The following DLGAP1 variants were observed in gnomAD, a reference collection of about 807,000 sequenced individuals.
DLGAP1 encodes the protein disks large-associated protein 1.
Under a neutral mutation model 90.8 loss-of-function variants are expected in DLGAP1, and 11 were observed. The observed-to-expected ratio is 0.12, with a 90% CI of 0.08 to 0.20. The LOEUF is 0.20. Ranked by LOEUF, DLGAP1 falls within the 10% of genes least tolerant of loss-of-function variation. The pLI, the probability that DLGAP1 is intolerant of heterozygous loss-of-function variation, is 1.00. For synonymous variants in DLGAP1, 558 were observed against 540.7 expected (o/e 1.03, Z -0.44); for missense variants, 1,050 against 1,333.8 (o/e 0.79, Z 3.31).
At chr18:3,683,265 AAAGGTCAAAC>A (rs1267788693) in intron 7 of DLGAP1, among the ~76,000 whole-genome samples, 3 of 152,204 alleles carry the variant, frequency 2.0e-5, no homozygotes, top group Admixed American at 6.5e-5. Flanking sequence ...TCAGGTGAGA[AAAGGTCAAAC>A]ATCAAGAGAA....
chr18:3,720,427 T>G (rs970518045), intron 7 of DLGAP1, among the ~76,000 whole-genome samples: 2 of 152,348 alleles, frequency 1.3e-5, no homozygotes, highest in South Asian at 4.1e-4. Flanking sequence ...AATGCCGTTA[T>G]AGTAAAATCA....
chr18:4,057,086 T>C (rs1598320389), intron 2 of DLGAP1, among the ~76,000 whole-genome samples: 1 of 140,970 alleles, frequency 7.1e-6, no homozygotes, highest in African/African-American at 2.6e-5. Flanking sequence ...TAGACAGACA[T>C]GAGCAGGGCA....
At chr18:4,061,357 G>A (rs543673747) in intron 2 of DLGAP1, among the ~76,000 whole-genome samples, 31 of 138,740 alleles carry the variant, frequency 2.2e-4, no homozygotes, top group African/African-American at 8.1e-4. Context: ...TGAGGAAGTT[G>A]TGGAAGGTTT....
chr18:3,541,242 A>C (rs1304627768), intron 9 of DLGAP1, among the ~76,000 whole-genome samples: 7 of 152,178 alleles, frequency 4.6e-5, no homozygotes, highest in Non-Finnish European at 7.3e-5. Flanking sequence ...AAAGAGAGAG[A>C]GAAAGAGAAG....
intron 1 of DLGAP1, among the ~76,000 whole-genome samples, chr18:4,156,573 A>G (rs1468458344): frequency 1.3e-5 from 2 of 152,236 alleles, no homozygotes; most frequent in Non-Finnish European, 1.5e-5. Context: ...AACAAAGGGA[A>G]ATAATCTCCT....
At chr18:4,245,973 T>C (rs117137948) in intron 1 of DLGAP1, among the ~76,000 whole-genome samples, 2,858 of 152,254 alleles carry the variant, frequency 0.019, 36 homozygotes, top group Non-Finnish European at 0.027. Flanking sequence ...ATCCCTTAAA[T>C]ATATATTCAA....
chr18:4,317,262 T>C (rs1384155275), intron 1 of DLGAP1, among the ~76,000 whole-genome samples: 1 of 152,188 alleles, frequency 6.6e-6, no homozygotes, highest in Non-Finnish European at 1.5e-5. Flanking sequence ...CACATCCTTG[T>C]TACTGACACA....
At chr18:3,680,629 A>G (rs887802579) in intron 7 of DLGAP1, among the ~76,000 whole-genome samples, 1 of 152,094 alleles carries the variant, frequency 6.6e-6, no homozygotes, top group African/African-American at 2.4e-5. Flanking sequence ...TCTACTAAAA[A>G]TACAAAAAAA....
chr18:3,867,003 C>T (rs574926043), intron 4 of DLGAP1, among the ~76,000 whole-genome samples: 1 of 152,274 alleles, frequency 6.6e-6, no homozygotes, highest in Non-Finnish European at 1.5e-5. Context: ...AGGCACATGC[C>T]ACCACACCCG....
chr18:4,169,024 A>G (rs1216638701), intron 1 of DLGAP1, among the ~76,000 whole-genome samples: 1 of 152,204 alleles, frequency 6.6e-6, no homozygotes, highest in Non-Finnish European at 1.5e-5. Context: ...GTATACAAAT[A>G]TCTCTTTGAG....
At chr18:4,049,905 T>C (rs2075107811) in intron 2 of DLGAP1, among the ~76,000 whole-genome samples, 1 of 145,332 alleles carries the variant, frequency 6.9e-6, no homozygotes, top group East Asian at 2.0e-4. Context: ...TATGTATCCA[T>C]CCAACGGTCC....
chr18:4,358,696 A>C (rs1260675601), intron 1 of DLGAP1, among the ~76,000 whole-genome samples: 3 of 152,228 alleles, frequency 2.0e-5, no homozygotes, highest in African/African-American at 7.2e-5. Flanking sequence ...TGGGCATGAA[A>C]GGCTCAGTCC....
At chr18:3,631,842 G>A (rs2058536694) in intron 7 of DLGAP1, among the ~76,000 whole-genome samples, 1 of 151,994 alleles carries the variant, frequency 6.6e-6, no homozygotes, top group Non-Finnish European at 1.5e-5. Flanking sequence ...GAGTGCAAAT[G>A]GCGAGATCAT....
chr18:4,039,228 T>G (rs2074938558), intron 2 of DLGAP1, among the ~76,000 whole-genome samples: 1 of 152,084 alleles, frequency 6.6e-6, no homozygotes, highest in South Asian at 2.1e-4. Context: ...GAGACGATAG[T>G]TTACTTATTT....
intron 2 of DLGAP1, among the ~76,000 whole-genome samples, chr18:4,137,720 T>A (rs1310754667): frequency 6.6e-6 from 1 of 152,134 alleles, no homozygotes; most frequent in African/African-American, 2.4e-5. Flanking sequence ...CTTTGGATAG[T>A]ATGGACATTT....
chr18:3,553,630 T>C (rs1282012770), intron 9 of DLGAP1, among the ~76,000 whole-genome samples: 1 of 151,862 alleles, frequency 6.6e-6, no homozygotes, highest in East Asian at 1.9e-4. Flanking sequence ...GTCTTCCGGG[T>C]TCAAGCAGTT....
chr18:3,757,858 G>A (rs1394852862), intron 5 of DLGAP1, among the ~76,000 whole-genome samples: 1 of 152,174 alleles, frequency 6.6e-6, no homozygotes, highest in African/African-American at 2.4e-5. Context: ...GCTGTTGCCT[G>A]TAATCCCAGC....
At chr18:3,952,111 T>C (rs1281065316) in intron 3 of DLGAP1, among the ~76,000 whole-genome samples, 2 of 152,242 alleles carry the variant, frequency 1.3e-5, no homozygotes, top group African/African-American at 4.8e-5. Flanking sequence ...ACATTCTTGC[T>C]AGTGATTAGT....
chr18:4,116,723 G>A (rs941791053), intron 2 of DLGAP1, among the ~76,000 whole-genome samples: 1 of 151,688 alleles, frequency 6.6e-6, no homozygotes, highest in Non-Finnish European at 1.5e-5. Flanking sequence ...TCTTTTACTG[G>A]CATTTTCTAT....
Sources: gnomAD v4.1 joint callset for allele counts (sites outside exome capture counted in the v4.1 genomes callset) on GRCh38, gnomAD v4.1.1 for gene constraint, MANE v1.5 for transcripts, NCBI Gene and HGNC (gene_info 2026-07-23, HGNC 2026-07-21) for gene names.